Variants in PPP1R9A observed in about 807,000 individuals in gnomAD.
PPP1R9A encodes the protein protein phosphatase 1 regulatory subunit 9A, also known as neurabin-1.
PPP1R9A carries 59 observed loss-of-function variants against 141.9 expected under a neutral mutation model. The ratio of observed to expected loss-of-function variants is 0.42; its 90% CI spans 0.34 to 0.52. The LOEUF is 0.52. PPP1R9A is among the 20% of genes least tolerant of loss of function. The pLI is 0.10. For synonymous variants in PPP1R9A, 500 were observed against 569.7 expected (o/e 0.88, Z 1.74); for missense variants, 1,444 against 1,611.9 (o/e 0.90, Z 1.78).
At chr7:95,069,014 CCTGTCTACTTTA>C (rs1813381878) in intron 2 of PPP1R9A, among the ~76,000 whole-genome samples, 1 of 152,224 alleles carries the variant, frequency 6.6e-6, no homozygotes, top group Non-Finnish European at 1.5e-5. Flanking sequence ...CACACGTCCT[CCTGTCTACTTTA>C]AACCATCTCT....
At chr7:95,022,657 A>G (rs1355202640) in intron 2 of PPP1R9A, among the ~76,000 whole-genome samples, 5 of 152,158 alleles carry the variant, frequency 3.3e-5, no homozygotes. Context: ...TGTGCCATCA[A>G]TATCTAGTTT....
chr7:95,114,551 A>G (rs1185856215), intron 3 of PPP1R9A, among the ~76,000 whole-genome samples: 1 of 152,142 alleles, frequency 6.6e-6, no homozygotes, highest in African/African-American at 2.4e-5. Context: ...GTAGATAAAT[A>G]TTAAACTCAT....
Position 95,250,244 on chromosome 7 carries a change from T to C in PPP1R9A, c.2385T>C (p.Asp795=). The change falls in exon 10 of 20, where the codon GAT becomes GAC. Residue 795 remains aspartate (D), a synonymous_variant. Transcript: ENST00000433360. ...ACAAGGCAAAGAAGTTGATCAAGGA[T>C]TTTCAACAAAAGTAAGCCGCTTCTA... The part of the protein sequence containing the change: ...KYNKAKKLIK[D]FQQKELDFIK... 1 of 1,605,260 alleles carries C rather than the reference T, an allele frequency of 6.2e-7. No homozygotes were observed. Among genetic ancestry groups the C allele is most frequent in the Admixed American group, 1.7e-5 (1 of 57,940 alleles).
At chr7:95,204,851 A>G (rs1790430476) in intron 7 of PPP1R9A, among the ~76,000 whole-genome samples, 1 of 146,748 alleles carries the variant, frequency 6.8e-6, no homozygotes, top group Non-Finnish European at 1.5e-5. Flanking sequence ...CCACACACAC[A>G]CCACACACAC....
chr7:95,223,777 C>T (rs1475059974), intron 7 of PPP1R9A, among the ~76,000 whole-genome samples: 1 of 151,892 alleles, frequency 6.6e-6, no homozygotes, highest in Non-Finnish European at 1.5e-5. Flanking sequence ...CTGGTTTAAG[C>T]CTTCATAATA....
intron 8 of PPP1R9A, among the ~76,000 whole-genome samples, chr7:95,226,767 T>A (rs953434167): frequency 2.0e-5 from 3 of 152,144 alleles, no homozygotes; most frequent in Non-Finnish European, 4.4e-5. Context: ...GGTGATGCAG[T>A]CTCAGAGTTT....
chr7:95,232,388 C>T (rs1259694834), intron 8 of PPP1R9A, among the ~76,000 whole-genome samples: 2 of 152,144 alleles, frequency 1.3e-5, no homozygotes, highest in African/African-American at 2.4e-5. Flanking sequence ...GGATTAAAGA[C>T]TTAAACGTAA....
chr7:95,009,795 G>A (rs1804155175), intron 2 of PPP1R9A, among the ~76,000 whole-genome samples: 1 of 152,138 alleles, frequency 6.6e-6, no homozygotes, highest in Non-Finnish European at 1.5e-5. Context: ...CAGGAATAGT[G>A]CACACAGCAT....
chr7:94,949,017 A>C (rs1302269448), intron 2 of PPP1R9A, among the ~76,000 whole-genome samples: 1 of 152,172 alleles, frequency 6.6e-6, no homozygotes, highest in Non-Finnish European at 1.5e-5. Context: ...TGTTTCCATT[A>C]AGCACACCTG....
chr7:94,990,324 G>A (rs1286171953), intron 2 of PPP1R9A, among the ~76,000 whole-genome samples: 2 of 152,092 alleles, frequency 1.3e-5, no homozygotes, highest in Non-Finnish European at 2.9e-5. Flanking sequence ...GAGACCCAAG[G>A]TTGTCTTAAG....
intron 7 of PPP1R9A, among the ~76,000 whole-genome samples, chr7:95,221,215 G>A (rs981108180): frequency 6.6e-6 from 1 of 152,112 alleles, no homozygotes; most frequent in African/African-American, 2.4e-5. Flanking sequence ...CAGACCTTGT[G>A]TTAAATACAT....
At chr7:94,957,202 A>T (rs1361187657) in intron 2 of PPP1R9A, among the ~76,000 whole-genome samples, 1 of 152,146 alleles carries the variant, frequency 6.6e-6, no homozygotes, top group African/African-American at 2.4e-5. Flanking sequence ...AAGGGAAGAC[A>T]TAGTTTTTGC....
chr7:95,094,645 C>T (rs1817781811), intron 2 of PPP1R9A, among the ~76,000 whole-genome samples: 3 of 151,746 alleles, frequency 2.0e-5, no homozygotes, highest in Non-Finnish European at 4.4e-5. Flanking sequence ...TTTGGGAGGC[C>T]AAGGCACGTG....
intron 5 of PPP1R9A, among the ~76,000 whole-genome samples, chr7:95,186,698 C>G (rs1834708476): frequency 6.6e-6 from 1 of 151,954 alleles, no homozygotes; most frequent in Admixed American, 6.6e-5. Context: ...CTCTTTTATG[C>G]CAATTTTGCT....
chr7:95,103,366 T>G (rs1819063164), intron 2 of PPP1R9A, among the ~76,000 whole-genome samples: 2 of 128,580 alleles, frequency 1.6e-5, no homozygotes, highest in Non-Finnish European at 1.7e-5. Context: ...TCACTTCTTT[T>G]TTTTTTTTTT....
At chr7:95,235,992 GA>G (rs1796625974) in intron 8 of PPP1R9A, among the ~76,000 whole-genome samples, 1 of 152,144 alleles carries the variant, frequency 6.6e-6, no homozygotes, top group Admixed American at 6.6e-5. Flanking sequence ...AGACTCAAGT[GA>G]AAAGGTGGGG....
At chr7:94,957,551 G>A (rs1308965676) in intron 2 of PPP1R9A, among the ~76,000 whole-genome samples, 1 of 152,044 alleles carries the variant, frequency 6.6e-6, no homozygotes, top group Non-Finnish European at 1.5e-5. Flanking sequence ...TTAGAACTGG[G>A]TTCCAAAGCT....
At chr7:95,219,036 G>A (rs1013243492) in intron 7 of PPP1R9A, among the ~76,000 whole-genome samples, 16 of 152,028 alleles carry the variant, frequency 1.1e-4, no homozygotes, top group Non-Finnish European at 1.3e-4. Context: ...TATTTTGCTC[G>A]TTAGTTGATG....
chr7:94,911,802 G>T (rs1791481580), intron 2 of PPP1R9A, among the ~76,000 whole-genome samples: 1 of 152,166 alleles, frequency 6.6e-6, no homozygotes. Flanking sequence ...AGTATTGTGA[G>T]TACTGAAAAC....
Sources: allele counts gnomAD v4.1 joint callset (sites outside exome capture counted in the v4.1 genomes callset), GRCh38; gene constraint gnomAD v4.1.1; transcripts MANE v1.5; gene names NCBI Gene and HGNC (gene_info 2026-07-23, HGNC 2026-07-21).